The following CPEB4 variants were observed in gnomAD, a reference collection of about 807,000 sequenced individuals.
The protein encoded by CPEB4 is cytoplasmic polyadenylation element binding protein 4.
In CPEB4, 12 loss-of-function variants were observed where a neutral mutation model predicts 72.5. The observed-to-expected ratio is 0.17, with a 90% CI of 0.11 to 0.27. CPEB4 has a LOEUF of 0.27. Ranked by LOEUF, CPEB4 falls within the 10% of genes least tolerant of loss-of-function variation. The pLI is 1.00. For missense variants in CPEB4, 614 were observed against 908.5 expected, an observed-to-expected ratio of 0.68 and a Z score of 4.17; for synonymous variants, 302 against 326.3, an observed-to-expected ratio of 0.93 and a Z score of 0.80.
At chr5:173,943,112 AT>A in intron 4 of CPEB4, 63 bp downstream of exon 4, 1 of 1,522,130 alleles carries the variant, frequency 6.6e-7, no homozygotes, top group South Asian at 1.2e-5. Flanking sequence ...AGCTTGTTTA[AT>A]TTCTAACCTT....
rs770272197 is a variant in CPEB4, at chr5:173,893,034, T to TGA, written c.1125+2177_1125+2178insAG. The TGA allele has an allele frequency of 1.9e-4, 23 of 119,954 alleles. No individual in the cohort carries two copies. In the East Asian group the frequency reaches 2.5e-3, roughly 13 times the overall value. The allele number at this position is 119,954 out of a possible 1,614,324, so 7.4% of individuals were successfully genotyped here. On this transcript the variant is annotated intron_variant, in intron 1 of 9. Transcript: ENST00000265085. Reference sequence around the variant, plus strand: ...GTGTGTGTGTGTGTGTGTGTGTGTGTGTGAGAGAGAGAGAGAGAGAGCACA... The same window carrying TGA: ...GTGTGTGTGTGTGTGTGTGTGTGTGTGAGTGAGAGAGAGAGAGAGAGAGCACA...
At chr5:173,902,984 C>T (rs1165097261) in intron 1 of CPEB4, among the ~76,000 whole-genome samples, 1 of 148,502 alleles carries the variant, frequency 6.7e-6, no homozygotes, top group Non-Finnish European at 1.5e-5. Flanking sequence ...GCTTGTAGGG[C>T]ATTTGACCAG....
intron 2 of CPEB4, among the ~76,000 whole-genome samples, chr5:173,924,057 A>C (rs74690753): frequency 6.6e-6 from 1 of 152,310 alleles, no homozygotes; most frequent in African/African-American, 2.4e-5. Flanking sequence ...CCCGAGTTGT[A>C]GTCAAAGCAG....
intron 1 of CPEB4, among the ~76,000 whole-genome samples, chr5:173,902,570 C>T (rs1227383356): frequency 6.6e-6 from 1 of 152,116 alleles, no homozygotes; most frequent in South Asian, 2.1e-4. Context: ...CCTGTGAGCA[C>T]ATAACCTAAC....
At chr5:173,898,740 G>A (rs142766267) in intron 1 of CPEB4, among the ~76,000 whole-genome samples, 165 of 152,274 alleles carry the variant, frequency 1.1e-3, no homozygotes, top group African/African-American at 3.1e-3. Context: ...GCAGTAGCGC[G>A]ATCTTGGTTC....
At chr5:173,954,872 C>T (rs1238759425) in intron 9 of CPEB4, among the ~76,000 whole-genome samples, 2 of 152,184 alleles carry the variant, frequency 1.3e-5, no homozygotes, top group Non-Finnish European at 2.9e-5. Context: ...CCAGTGCTCT[C>T]CTTATGCCTG....
chr5:173,932,479 G>A lies in CPEB4; in HGVS notation c.1237G>A (p.Asp413Asn), dbSNP rs749355575. 2.5e-6 allele frequency: 4 copies of A among 1,612,394 alleles called. No homozygotes were observed. Among genetic ancestry groups the A allele is most frequent in the South Asian group, 1.1e-5 (1 of 90,826 alleles). ...TCTAAACTATTCATATCCAGGATCC[G>A]ATAGCTCTCTGCTTATTAATGGTAA... ...GRLNYSYPGS[D>N]SSLLINARTY... The change falls in exon 3 of 10, where the codon GAT (aspartate) becomes AAT (asparagine). Residue 413 changes from aspartate (D) to asparagine (N), a missense_variant. Around this residue, in one of 5 missense-constraint regions of CPEB4, gnomAD observed 458 missense variants for 548.6 expected, o/e 0.83. Coordinates refer to ENST00000265085, the MANE Select transcript of CPEB4 (RefSeq NM_030627.4).
rs1758397967 is a variant in CPEB4, at chr5:173,956,876, A to G, written c.*739A>G. 1 of 152,588 alleles carries G rather than the reference A, an allele frequency of 6.6e-6. No individual in the cohort carries two copies. The highest frequency in any genetic ancestry group is 1.5e-5 in the Non-Finnish European group (1 of 68,018). 9.5% of individuals were successfully genotyped at this position (152,588 alleles called of 1,614,324 possible). ...AGCTAGGTTTATTTTCTCTTAAACA[A>G]TTTTTAAAATTCAGAATGTAAAAAT... On this transcript the variant is annotated 3_prime_UTR_variant, in exon 10 of 10. Transcript: ENST00000265085.
At chr5:173,942,481 A>C (rs1233664653) in intron 3 of CPEB4, among the ~76,000 whole-genome samples, 5 of 152,232 alleles carry the variant, frequency 3.3e-5, no homozygotes, top group Non-Finnish European at 7.3e-5. Context: ...ACTTGGTAGA[A>C]GACTTGATTA....
intron 2 of CPEB4, among the ~76,000 whole-genome samples, chr5:173,911,840 C>T (rs1203566078): frequency 6.6e-6 from 1 of 151,976 alleles, no homozygotes; most frequent in Non-Finnish European, 1.5e-5. Context: ...GAGCTTTGCA[C>T]TGAGGTCAAA....
At chr5:173,945,170 C>A in intron 5 of CPEB4, 30 bp downstream of exon 5, 2 of 1,576,978 alleles carry the variant, frequency 1.3e-6, no homozygotes, top group Non-Finnish European at 1.7e-6. Context: ...TAGCACGGTG[C>A]CCAGATGGTG....
Position 173,939,341 on chromosome 5 carries a change from G to GTACATACA in CPEB4, c.1259-3660_1259-3653dup, listed in dbSNP as rs34845457. 4.7e-5 allele frequency among the ~76,000 whole-genome samples: 7 copies of GTACATACA among 150,514 alleles called. No individual in the cohort carries two copies. The South Asian group carries it at 6.3e-4, about 14-fold the overall frequency. ...TAATAGGGTTGCTCCTTTGAAATACGTACATACATACATACATACATACAT... is the reference window on the plus strand; with the variant it reads ...TAATAGGGTTGCTCCTTTGAAATACGTACATACATACATACATACATACATACATACAT... On this transcript the variant is annotated intron_variant, in intron 3 of 9. Transcript: ENST00000265085.
chr5:173,889,691 G>A lies in CPEB4; in HGVS notation c.-43G>A, dbSNP rs1755733148. On this transcript the variant is annotated 5_prime_UTR_variant, in exon 1 of 10. Coordinates refer to ENST00000265085, the MANE Select transcript of CPEB4 (RefSeq NM_030627.4). ...GGAAAAAAAAGGCGTGAGACATCAG[G>A]TTGTCATTTTTTATTGTGAGATTCT... The A allele has an allele frequency of 5.3e-6, 8 of 1,502,172 alleles. 1 individual carries two copies. The South Asian group carries it at 6.6e-5, about 12-fold the overall frequency. The allele number at this position is 1,502,172 out of a possible 1,614,324, so 93.1% of individuals were successfully genotyped here. A position where few individuals can be genotyped will look rare whatever the true frequency, so the allele number is the denominator to read the frequency against.
At position 173,890,340 on chromosome 5, in the gene CPEB4, G is replaced by A. The variant is rs758491455; in HGVS notation, c.607G>A (p.Gly203Ser). 2 of 1,614,094 alleles carry A rather than the reference G, an allele frequency of 1.2e-6. No homozygotes were observed. Among genetic ancestry groups the A allele is most frequent in the East Asian group, 2.2e-5 (1 of 44,874 alleles). The change falls in exon 1 of 10, where the codon GGT becomes AGT. Residue 203 changes from glycine (G) to serine (S), a missense_variant. Around this residue, in one of 5 missense-constraint regions of CPEB4, gnomAD observed 458 missense variants for 548.6 expected, o/e 0.83. Transcript: ENST00000265085. Reference sequence around the variant, plus strand: ...GGTCCCTGCTGCTTCGGCTAATAACGGTGCTCTGTTGTTTCAAAATTTCCC... The same window carrying A: ...GGTCCCTGCTGCTTCGGCTAATAACAGTGCTCTGTTGTTTCAAAATTTCCC... The part of the protein sequence containing the change: ...GGVPAASANN[G>S]ALLFQNFPHH...
Position 173,953,284 on chromosome 5 carries a change from A to G in CPEB4, c.1962+12A>G, listed in dbSNP as rs370185279. On this transcript the variant is annotated intron_variant, in intron 9 of 9. Coordinates refer to ENST00000265085, the MANE Select transcript of CPEB4 (RefSeq NM_030627.4). ...AGATAGATAAACGGGTAAGCCTTATACTACATTTTGGAAAATTCTAGAAAT... is the reference window on the plus strand; with the variant it reads ...AGATAGATAAACGGGTAAGCCTTATGCTACATTTTGGAAAATTCTAGAAAT... 4 of 1,489,908 alleles carry G rather than the reference A, an allele frequency of 2.7e-6. No individual in the cohort carries two copies. The highest frequency in any genetic ancestry group is 3.6e-6 in the Non-Finnish European group (4 of 1,111,292). The allele number at this position is 1,489,908 out of a possible 1,614,324, so 92.3% of individuals were successfully genotyped here.
intron 1 of CPEB4, among the ~76,000 whole-genome samples, chr5:173,893,570 G>A (rs1247331783): frequency 6.8e-6 from 1 of 148,034 alleles, no homozygotes; most frequent in Non-Finnish European, 1.5e-5. Context: ...ATTTCTCACA[G>A]GGGAAAAAAA....
At chr5:173,890,965 T>TA in intron 1 of CPEB4, 107 bp downstream of exon 1, 1 of 1,065,098 alleles carries the variant, frequency 9.4e-7, no homozygotes, top group Non-Finnish European at 1.3e-6. Flanking sequence ...GAGCTTTTCT[T>TA]AGAGAGAAAA....
chr5:173,902,445 A>C (rs1756269592), intron 1 of CPEB4, among the ~76,000 whole-genome samples: 2 of 152,196 alleles, frequency 1.3e-5, no homozygotes, highest in East Asian at 3.8e-4. Context: ...CAGTCTAGTA[A>C]TGCCAAAACA....
chr5:173,890,643 G>C lies in CPEB4; in HGVS notation c.910G>C (p.Gly304Arg), dbSNP rs2113111216. 6.2e-7 allele frequency: 1 copy of C among 1,614,102 alleles called. No individual in the cohort carries two copies. Among genetic ancestry groups the C allele is most frequent in the Non-Finnish European group, 8.5e-7 (1 of 1,179,976 alleles). ...TPSSSWSPGG[G>R]GYGGWGGSQG... The stretch of plus-strand genomic sequence containing the variant: ...CTCCTCTTCCTGGAGCCCGGGCGGT[G>C]GTGGATATGGTGGCTGGGGAGGTTC... Residue 304 changes from glycine to arginine, a missense_variant, in exon 1 of 10, where the codon GGT (glycine) becomes CGT (arginine). Transcript: ENST00000265085.
Sources: gnomAD v4.1 joint callset for allele counts (sites outside exome capture counted in the v4.1 genomes callset) on GRCh38, gnomAD v4.1.1 for gene constraint, gnomAD v4.1.1 regional missense constraint, MANE v1.5 for transcripts, NCBI Gene and HGNC (gene_info 2026-07-23, HGNC 2026-07-21) for gene names.